The following ABR variants were observed in gnomAD, a reference collection of about 807,000 sequenced individuals.
ABR encodes the protein active breakpoint cluster region-related protein.
In ABR, 35 loss-of-function variants were observed where a neutral mutation model predicts 107.2. That is an observed-to-expected ratio of 0.33 (90% CI 0.25 to 0.43). The LOEUF is 0.43. Among genes scored for constraint, ABR ranks in the 20% least tolerant of loss-of-function variants. ABR has a pLI of 1.00. For missense variants in ABR, 815 were observed against 1,115.2 expected (o/e 0.73, Z 3.83); for synonymous variants, 498 against 462.0 (o/e 1.08, Z -1.00).
chr17:1,100,540 C>T, intron 3 of ABR, 97 bp downstream of exon 3: 2 of 1,174,316 alleles, frequency 1.7e-6, no homozygotes, highest in East Asian at 2.4e-5. Flanking sequence ...CGGGTACGGT[C>T]CCCTTTCCTC....
chr17:1,213,492 C>G (rs1181658701), intron 1 of ABR, among the ~76,000 whole-genome samples: 1 of 152,012 alleles, frequency 6.6e-6, no homozygotes, highest in African/African-American at 2.4e-5. Flanking sequence ...CAGATCCACA[C>G]CATTCTCCTG....
intron 1 of ABR, among the ~76,000 whole-genome samples, chr17:1,135,851 G>A (rs1242508730): frequency 6.6e-6 from 1 of 151,002 alleles, no homozygotes; most frequent in Non-Finnish European, 1.5e-5. Context: ...ACTCCAGCCT[G>A]GGTGACAGAG....
In ABR at chr17:1,070,223, GGT is replaced by G. The variant is rs2035115214; in HGVS notation, c.895-135_895-134del. The G allele has an allele frequency of 4.0e-6, 5 of 1,246,424 alleles. No homozygotes were observed. In the South Asian group the frequency reaches 7.2e-5, roughly 18 times the overall value. The allele number at this position is 1,246,424 out of a possible 1,614,324, so 77.2% of individuals were successfully genotyped here. A position where few individuals can be genotyped will look rare whatever the true frequency, so the allele number is the denominator to read the frequency against. On this transcript the variant is annotated intron_variant, in intron 8 of 22. Coordinates refer to ENST00000302538, the MANE Select transcript of ABR (RefSeq NM_021962.5). The surrounding 1 kb of genome is among the most constrained non-coding windows in gnomAD (Gnocchi z 4.2). ...CATAGCCTGTCATCCCTTAACCAAAGGTGGTTCAAGCACTGCCTTTGGAGTCA... is the reference window on the plus strand; with the variant it reads ...CATAGCCTGTCATCCCTTAACCAAAGGGTTCAAGCACTGCCTTTGGAGTCA...
At chr17:1,181,437 C>G (rs1472541794), upstream of ABR, among the ~76,000 whole-genome samples, 1 of 152,238 alleles carries the variant, frequency 6.6e-6, no homozygotes, top group East Asian at 1.9e-4. Flanking sequence ...ATTAGCCCGT[C>G]CCTGCGTCCC....
chr17:1,007,420 G>T (rs969830843), intron 21 of ABR, 108 bp from the exon 22 acceptor site: 18 of 1,342,154 alleles, frequency 1.3e-5, no homozygotes, highest in African/African-American at 1.2e-4. Flanking sequence ...CCTGGAAGGG[G>T]TCACCTCGTC....
At chr17:1,211,287 GAATAAATAAATAAATAAATA>G (rs149944140) in intron 1 of ABR, among the ~76,000 whole-genome samples, 4 of 151,616 alleles carry the variant, frequency 2.6e-5, no homozygotes, top group African/African-American at 9.7e-5. Context: ...TCAAAAAAAT[GAATAAATAAATAAATAAATA>G]AATAAATAAT....
At chr17:1,170,461 G>C (rs1219294497) in intron 1 of ABR, among the ~76,000 whole-genome samples, 1 of 152,048 alleles carries the variant, frequency 6.6e-6, no homozygotes, top group Non-Finnish European at 1.5e-5. Context: ...TTTTGAGATG[G>C]AGTCTCATTC....
intron 16 of ABR, among the ~76,000 whole-genome samples, chr17:1,035,044 CCT>C (rs1394376479): frequency 2.6e-5 from 4 of 151,946 alleles, no homozygotes; most frequent in African/African-American, 9.7e-5. Context: ...GGAGTCTTCC[CCT>C]GAGACGCTCA....
rs977028591 is a variant in ABR at position 1,150,174 on chromosome 17, C to T, written c.62-24807G>A. ...CACACTTCTCAAAGCGCTGAGATTA[C>T]AGACGTGAGCCACCGCGCCCGGCCT... is the stretch of plus-strand genomic sequence containing the variant. On this transcript the variant is annotated intron_variant, in intron 1 of 22. Coordinates refer to ENST00000302538, the MANE Select transcript of ABR (RefSeq NM_021962.5). This position sits in a 1 kb window ranked among gnomAD's most constrained non-coding sequence, Gnocchi z 4.8. 5.9e-5 allele frequency among the ~76,000 whole-genome samples: 9 copies of T among 152,020 alleles called. No individual in the cohort carries two copies. Among genetic ancestry groups the T allele is most frequent in the Admixed American group, 2.0e-4 (3 of 15,260 alleles).
Position 1,125,177 on chromosome 17 carries a change from A to G in ABR, c.246+6T>C. On this transcript the variant is annotated splice_donor_region_variant and intron_variant, in intron 2 of 22. Transcript: ENST00000302538. ...CAAACCCAGAAAGAAAAGCCGGTGT[A>G]CCTACCCCAGGAGCCAGTCCCTCAG... The G allele has an allele frequency of 6.4e-7, 1 of 1,567,228 alleles. No homozygotes were observed. The highest frequency in any genetic ancestry group is 8.6e-7 in the Non-Finnish European group (1 of 1,156,120).
At chr17:1,106,684 T>C (rs111594031) in intron 2 of ABR, among the ~76,000 whole-genome samples, 28,242 of 151,854 alleles carry the variant, frequency 0.19, 2,792 homozygotes, top group African/African-American at 0.24. Flanking sequence ...CGCCCACCAC[T>C]ACGCCCGGCT....
intron 13 of ABR, among the ~76,000 whole-genome samples, chr17:1,056,723 C>G (rs2151069365): frequency 6.6e-6 from 1 of 152,266 alleles, no homozygotes; most frequent in South Asian, 2.1e-4. Context: ...CGGGTCTGCT[C>G]TCTCATGAAT....
chr17:1,044,205 G>GA (rs1390824619), intron 16 of ABR, among the ~76,000 whole-genome samples: 1 of 152,070 alleles, frequency 6.6e-6, no homozygotes, highest in East Asian at 1.9e-4. Context: ...GTGGAGGGGG[G>GA]GCTCCCAGCT....
chr17:1,028,152 A>G lies in ABR; in HGVS notation c.1792-14988T>C, dbSNP rs577562666. Among the ~76,000 whole-genome samples the G allele has an allele frequency of 7.4e-4, 112 of 151,978 alleles. No individual in the cohort carries two copies. In the Middle Eastern group the frequency reaches 0.017, roughly 23 times the overall value. Reference sequence around the variant, plus strand: ...GTTGCCCAGGCTGGAGTGCAGTGGCATGATCTCGGCTCACTGCAACCTCCA... The same window carrying G: ...GTTGCCCAGGCTGGAGTGCAGTGGCGTGATCTCGGCTCACTGCAACCTCCA... On this transcript the variant is annotated intron_variant, in intron 16 of 22. Transcript: ENST00000302538.
chr17:1,107,020 C>T (rs551127633), intron 2 of ABR, among the ~76,000 whole-genome samples: 1 of 152,346 alleles, frequency 6.6e-6, no homozygotes, highest in Admixed American at 6.5e-5. Context: ...GCTCTGTGGC[C>T]ACCTGCTTGT....
chr17:1,116,287 A>G (rs2038981781), intron 2 of ABR, among the ~76,000 whole-genome samples: 1 of 91,420 alleles, frequency 1.1e-5, no homozygotes, highest in African/African-American at 4.6e-5. Context: ...AACACTGTTT[A>G]TACAGTGAAA....
Position 1,005,256 on chromosome 17 carries a change from T to C in ABR, c.*824A>G, listed in dbSNP as rs1408458241. ...AGCAGGGAAGGGAACTGAAAAGCAG[T>C]AGAAGAAACAGTCAGAGATGCCTCA... On this transcript the variant is annotated 3_prime_UTR_variant, in exon 23 of 23. Transcript: ENST00000302538. 2 of 398,270 alleles carry C rather than the reference T, an allele frequency of 5.0e-6. No individual in the cohort carries two copies. The highest frequency in any genetic ancestry group is 3.6e-5 in the East Asian group (1 of 28,078). 24.7% of individuals were successfully genotyped at this position (398,270 alleles called of 1,614,324 possible). A position where few individuals can be genotyped will look rare whatever the true frequency, so the allele number is the denominator to read the frequency against.
chr17:1,158,904 C>T (rs1280735981), intron 1 of ABR, among the ~76,000 whole-genome samples: 2 of 152,184 alleles, frequency 1.3e-5, no homozygotes, highest in African/African-American at 4.8e-5. Flanking sequence ...CCAAAGCCAC[C>T]GTTGTAACCA....
chr17:1,016,452 G>A lies in ABR; in HGVS notation c.1792-3288C>T, dbSNP rs191893103. Among the ~76,000 whole-genome samples the A allele has an allele frequency of 5.1e-3, 772 of 152,062 alleles. 17 individuals carry two copies. Among genetic ancestry groups the A allele is most frequent in the African/African-American group, 0.017 (724 of 41,402 alleles). On this transcript the variant is annotated intron_variant, in intron 16 of 22. Transcript: ENST00000302538. ...CTGCCTCAGCCTCCCGAGTAGCTGG[G>A]ATTACAGGTGCCTGCCACCACGCCC... is the stretch of plus-strand genomic sequence containing the variant.
Sources: gnomAD v4.1 joint callset for allele counts (sites outside exome capture counted in the v4.1 genomes callset) on GRCh38, gnomAD v4.1.1 for gene constraint, Gnocchi (gnomAD v3.1) non-coding constraint, MANE v1.5 for transcripts, NCBI Gene and HGNC (gene_info 2026-07-23, HGNC 2026-07-21) for gene names.